AMZ2: variants seen among roughly 807,000 people sequenced by gnomAD.
The protein encoded by AMZ2 is archaemetzincin-2.
In AMZ2, 26 loss-of-function variants were observed where a neutral mutation model predicts 36.7. That is an observed-to-expected ratio of 0.71 (90% CI 0.52 to 0.98). The LOEUF is 0.98. AMZ2 is among the 50% of genes least tolerant of loss of function. The probability of loss-of-function intolerance (pLI) is 0.00; values close to 1 mark genes in which losing one functional copy is unlikely to be tolerated. For synonymous variants in AMZ2, 144 were observed against 149.1 expected (o/e 0.97, Z 0.25); for missense variants, 394 against 430.5 (o/e 0.92, Z 0.75).
At chr17:68,229,797 G>C (rs1252010801) in intron 1 of AMZ2, among the ~76,000 whole-genome samples, 1 of 152,168 alleles carries the variant, frequency 6.6e-6, no homozygotes, top group African/African-American at 2.4e-5. Context: ...CCATGTCAGG[G>C]GTCCGGGCTG....
intron 1 of AMZ2, among the ~76,000 whole-genome samples, chr17:68,222,438 A>G (rs1181413877): frequency 2.0e-5 from 3 of 152,230 alleles, no homozygotes; most frequent in African/African-American, 7.2e-5. Context: ...TTTGTGGAAG[A>G]CAATTTTTCC....
intron 1 of AMZ2, among the ~76,000 whole-genome samples, chr17:68,208,500 A>T: frequency 6.6e-6 from 1 of 152,168 alleles, no homozygotes; most frequent in East Asian, 1.9e-4. Context: ...GGCACCAGTC[A>T]GCGCCCTGTC....
chr17:68,256,919 A>C lies in AMZ2; in HGVS notation c.1033A>C (p.Lys345Gln). The C allele has an allele frequency of 6.2e-7, 1 of 1,614,172 alleles. No homozygotes were observed. Among genetic ancestry groups the C allele is most frequent in the African/African-American group, 1.3e-5 (1 of 75,066 alleles). Residue 345 changes from lysine (K) to glutamine (Q), a missense_variant, in exon 7 of 7, where the codon AAG becomes CAG. Transcript: ENST00000359904. ...GNLPKPVEAF[K>Q]EWKEWIIKCL... is the part of the protein sequence containing the mutation. The stretch of plus-strand genomic sequence containing the variant: ...TTTACCGAAACCCGTGGAAGCCTTT[A>C]AGGAATGGAAAGAGTGGATAATAAA...
intron 1 of AMZ2, among the ~76,000 whole-genome samples, chr17:68,241,849 A>T (rs1326227072): frequency 6.6e-6 from 1 of 151,034 alleles, no homozygotes; most frequent in Non-Finnish European, 1.5e-5. Context: ...CTCAGCCTCC[A>T]AGTAGCTGGG....
At chr17:68,213,303 G>A (rs762510626) in intron 1 of AMZ2, among the ~76,000 whole-genome samples, 1 of 152,162 alleles carries the variant, frequency 6.6e-6, no homozygotes, top group African/African-American at 2.4e-5. Flanking sequence ...TGAGTGAAAA[G>A]AATGAAAGGA....
chr17:68,223,604 A>G (rs12942630), intron 1 of AMZ2, among the ~76,000 whole-genome samples: 2,881 of 152,160 alleles, frequency 0.019, 50 homozygotes, highest in Non-Finnish European at 0.028. Context: ...CAGTGGCACG[A>G]TCTCAGCTCA....
At chr17:68,243,447 T>C (rs2073943886), upstream of AMZ2, among the ~76,000 whole-genome samples, 1 of 152,244 alleles carries the variant, frequency 6.6e-6, no homozygotes, top group African/African-American at 2.4e-5. Flanking sequence ...GAAATGATTT[T>C]AAATAGATGC....
At chr17:68,220,825 C>A (rs1215557941) in intron 1 of AMZ2, among the ~76,000 whole-genome samples, 1 of 146,504 alleles carries the variant, frequency 6.8e-6, no homozygotes, top group African/African-American at 2.5e-5. Flanking sequence ...CTGTCTCGCC[C>A]AGGCTGGGGT....
In AMZ2 at chr17:68,252,020, C is replaced by CT. The variant is rs77277694; in HGVS notation, c.586+855dup. Among the ~76,000 whole-genome samples the CT allele has an allele frequency of 9.5e-3, 1,368 of 144,238 alleles. 17 individuals are homozygous for CT. Among genetic ancestry groups the CT allele is most frequent in the African/African-American group, 0.029 (1,149 of 39,562 alleles). 94.6% of individuals were successfully genotyped at this position (144,238 alleles called of 152,430 possible). On this transcript the variant is annotated intron_variant, in intron 4 of 6. Transcript: ENST00000359904. ...TCTGCAAACCGGTCATATTTTTAAC[C>CT]TTTTTTTTTTTTTGTCATCTCTCTA...
At chr17:68,238,839 T>TA (rs544732848) in intron 1 of AMZ2, among the ~76,000 whole-genome samples, 2 of 152,164 alleles carry the variant, frequency 1.3e-5, no homozygotes, top group East Asian at 3.8e-4. Flanking sequence ...CAACAAAGCA[T>TA]AAAAAAATCT....
At chr17:68,206,837 C>G (rs1329843851) in intron 1 of AMZ2, 1 of 152,332 alleles carries the variant, frequency 6.6e-6, no homozygotes, top group African/African-American at 2.4e-5. Flanking sequence ...TTTATCTGGT[C>G]CTGTATGTTT....
chr17:68,247,988 C>T, upstream of AMZ2: 3 of 985,780 alleles, frequency 3.0e-6, no homozygotes, highest in Non-Finnish European at 3.6e-6. Flanking sequence ...GTGCGCGACG[C>T]AGCGGCGCGG....
At chr17:68,232,010 CA>C (rs2144603134) in intron 1 of AMZ2, among the ~76,000 whole-genome samples, 1 of 148,282 alleles carries the variant, frequency 6.7e-6, no homozygotes, top group South Asian at 2.1e-4. Flanking sequence ...ACTGTAGAAC[CA>C]ATGCATATGG....
rs138112957 is a variant in AMZ2, at chr17:68,235,923, G to A, written c.-66-12717G>A. 5.1e-3 allele frequency among the ~76,000 whole-genome samples: 769 copies of A among 151,880 alleles called. 8 individuals are homozygous for A. The highest frequency in any genetic ancestry group is 0.018 in the African/African-American group (730 of 41,384). ...TGGCTCACTGCAACCTCCATCTCCC[G>A]GGCTCAAGCGATTCTCCTGCCTCAG... is the stretch of plus-strand genomic sequence containing the variant. On this transcript the variant is annotated intron_variant, in intron 1 of 7. Transcript: ENST00000674770. The surrounding 1 kb of genome is among the most constrained non-coding windows in gnomAD (Gnocchi z 4.2).
At chr17:68,211,307 C>T (rs1555725856) in intron 1 of AMZ2, among the ~76,000 whole-genome samples, 1 of 151,948 alleles carries the variant, frequency 6.6e-6, no homozygotes, top group African/African-American at 2.4e-5. Context: ...TCGAGACCAT[C>T]CTGGCTAACA....
intron 1 of AMZ2, among the ~76,000 whole-genome samples, chr17:68,241,507 A>G (rs2073899562): frequency 6.6e-6 from 1 of 152,152 alleles, no homozygotes; most frequent in African/African-American, 2.4e-5. Flanking sequence ...GCTACCTAAA[A>G]TTAAAAGATC....
intron 5 of AMZ2, 76 bp from the exon 6 acceptor site, chr17:68,255,624 A>T: frequency 6.8e-7 from 1 of 1,466,138 alleles, no homozygotes; most frequent in Non-Finnish European, 9.3e-7. Context: ...TGTTTCTTGG[A>T]AAAGCAAGAA....
chr17:68,226,790 A>C (rs1599324731), intron 1 of AMZ2, among the ~76,000 whole-genome samples: 2 of 151,958 alleles, frequency 1.3e-5, no homozygotes, highest in Non-Finnish European at 1.5e-5. Context: ...CAGCTGCCTA[A>C]TTTACTCCTA....
At chr17:68,250,997 G>A in intron 3 of AMZ2, 30 bp downstream of exon 3, 2 of 1,610,912 alleles carry the variant, frequency 1.2e-6, no homozygotes, top group Non-Finnish European at 8.5e-7. Flanking sequence ...AATTCGAACT[G>A]AGTATATGTA....
Sources: allele counts gnomAD v4.1 joint callset (sites outside exome capture counted in the v4.1 genomes callset), GRCh38; gene constraint gnomAD v4.1.1; non-coding constraint Gnocchi (gnomAD v3.1); transcripts MANE v1.5; gene names NCBI Gene and HGNC (gene_info 2026-07-23, HGNC 2026-07-21).